ST6GAL1: variants seen among roughly 807,000 people sequenced by gnomAD.
The protein encoded by ST6GAL1 is ST6 beta-galactoside alpha-2,6-sialyltransferase 1, also known as beta-galactoside alpha-2,6-sialyltransferase 1.
A neutral mutation model predicts 38.0 loss-of-function variants in ST6GAL1; 20 were observed. The ratio of observed to expected loss-of-function variants is 0.53; its 90% CI spans 0.37 to 0.77. The LOEUF is 0.77. Among genes scored for constraint, ST6GAL1 ranks in the 30% least tolerant of loss-of-function variants. The pLI is 0.00. For missense variants in ST6GAL1, 432 were observed against 496.4 expected, an observed-to-expected ratio of 0.87 and a Z score of 1.23; for synonymous variants, 196 against 188.2, an observed-to-expected ratio of 1.04 and a Z score of -0.34.
intron 2 of ST6GAL1, among the ~76,000 whole-genome samples, chr3:187,031,791 A>G (rs190483578): frequency 7.6e-4 from 116 of 152,272 alleles, no homozygotes; most frequent in African/African-American, 2.3e-3. Flanking sequence ...ACTTGTTATT[A>G]TTACTATTTC....
At chr3:186,956,821 A>G (rs1714765149) in intron 1 of ST6GAL1, among the ~76,000 whole-genome samples, 5 of 152,242 alleles carry the variant, frequency 3.3e-5, no homozygotes, top group Admixed American at 3.3e-4. Context: ...CAATTTAAAA[A>G]GACAGCTAAC....
chr3:186,931,655 GA>G (rs1713758634), intron 1 of ST6GAL1, among the ~76,000 whole-genome samples: 2 of 152,214 alleles, frequency 1.3e-5, no homozygotes, highest in African/African-American at 4.8e-5. Context: ...CCTCTGTGGG[GA>G]TATTTTGGTC....
At chr3:187,028,753 T>C (rs1237948626) in intron 2 of ST6GAL1, among the ~76,000 whole-genome samples, 1 of 152,212 alleles carries the variant, frequency 6.6e-6, no homozygotes, top group Non-Finnish European at 1.5e-5. Flanking sequence ...TCCCATTTAC[T>C]TGTTGATGAA....
At position 187,042,979 on chromosome 3, in the gene ST6GAL1, C is replaced by T. The variant is rs138318065; in HGVS notation, c.276C>T (p.Ser92=). The change falls in exon 4 of 8, where the codon TCC becomes TCT. Residue 92 remains serine (S), a synonymous_variant. Transcript: ENST00000169298. ...TAGCCAAGGCCAAACCAGAGGCCTCCTTCCAGGTGTGGAACAAGGACAGCT... is the reference window on the plus strand; with the variant it reads ...TAGCCAAGGCCAAACCAGAGGCCTCTTTCCAGGTGTGGAACAAGGACAGCT... ...RGLAKAKPEA[S]FQVWNKDSSS... The T allele has an allele frequency of 3.7e-6, 6 of 1,614,044 alleles. No individual in the cohort carries two copies. In the African/African-American group the frequency reaches 5.3e-5, roughly 14 times the overall value.
rs765583904 is a variant in ST6GAL1 at position 187,042,667 on chromosome 3, C to T, written c.-37C>T. Reference sequence around the variant, plus strand: ...CACTTTTTTTAGGCTTGTTTTCCTGCTCAGAACAAAGTGACTTCCCTGAAC... The same window carrying T: ...CACTTTTTTTAGGCTTGTTTTCCTGTTCAGAACAAAGTGACTTCCCTGAAC... On this transcript the variant is annotated 5_prime_UTR_variant, in exon 4 of 8. Coordinates refer to ENST00000169298, the MANE Select transcript of ST6GAL1 (RefSeq NM_173216.2). 1 of 1,551,370 alleles carries T rather than the reference C, an allele frequency of 6.4e-7. No homozygotes were observed. The highest frequency in any genetic ancestry group is 2.1e-5 in the Admixed American group (1 of 47,416).
At chr3:187,063,160 G>A (rs1718980795) in intron 5 of ST6GAL1, among the ~76,000 whole-genome samples, 1 of 152,168 alleles carries the variant, frequency 6.6e-6, no homozygotes. Flanking sequence ...TTGATAGAGG[G>A]AGAAAGTGAA....
chr3:186,972,855 G>A lies in ST6GAL1; in HGVS notation c.-183+8929G>A, dbSNP rs552699727. ...GGAAGAAGAGGAGGATTTGCCATGA[G>A]CTTTCTCTGGGACAGGAGCAGTTTG... is the stretch of plus-strand genomic sequence containing the variant. On this transcript the variant is annotated intron_variant, in intron 2 of 7. Coordinates refer to ENST00000169298, the MANE Select transcript of ST6GAL1 (RefSeq NM_173216.2). 9.9e-4 allele frequency among the ~76,000 whole-genome samples: 150 copies of A among 152,160 alleles called. 2 individuals carry two copies. The highest frequency in any genetic ancestry group is 9.7e-3 in the Admixed American group (149 of 15,290).
Position 187,075,972 on chromosome 3 carries a change from C to T in ST6GAL1, c.*169C>T. 2.0e-6 allele frequency: 2 copies of T among 1,000,326 alleles called. No homozygotes were observed. Among genetic ancestry groups the T allele is most frequent in the South Asian group, 1.7e-5 (1 of 57,882 alleles). 62.0% of individuals were successfully genotyped at this position (1,000,326 alleles called of 1,614,324 possible). On this transcript the variant is annotated 3_prime_UTR_variant, in exon 8 of 8. Coordinates refer to ENST00000169298, the MANE Select transcript of ST6GAL1 (RefSeq NM_173216.2). The surrounding 1 kb of genome is among the most constrained non-coding windows in gnomAD (Gnocchi z 4.1). The stretch of plus-strand genomic sequence containing the variant: ...AGAGCCTGTGGTCAGGAAATCAGGT[C>T]CAGCCTTCCCTGTAGCCAGACAGTT...
At chr3:186,966,081 G>T (rs951962089) in intron 2 of ST6GAL1, among the ~76,000 whole-genome samples, 62 of 152,224 alleles carry the variant, frequency 4.1e-4, no homozygotes, top group African/African-American at 1.4e-3. Context: ...TGTATTTTTA[G>T]TAGAGACGGG....
At position 187,064,400 on chromosome 3, in the gene ST6GAL1, C is replaced by G. The variant is rs1213593465; in HGVS notation, c.706-8449C>G. The G allele has an allele frequency of 7.3e-6, 3 of 410,256 alleles. No homozygotes were observed. In the East Asian group the frequency reaches 2.1e-4, roughly 29 times the overall value. The allele number at this position is 410,256 out of a possible 1,614,324, so 25.4% of individuals were successfully genotyped here. Reference sequence around the variant, plus strand: ...AGTAGGCACATGTATTAGTTGCCTACAATTCACAAAGGGTTGCGAAATAGC... The same window carrying G: ...AGTAGGCACATGTATTAGTTGCCTAGAATTCACAAAGGGTTGCGAAATAGC... On this transcript the variant is annotated intron_variant, in intron 5 of 7. Coordinates refer to ENST00000169298, the MANE Select transcript of ST6GAL1 (RefSeq NM_173216.2).
chr3:187,012,769 T>C (rs1579321052), intron 2 of ST6GAL1, among the ~76,000 whole-genome samples: 1 of 152,206 alleles, frequency 6.6e-6, no homozygotes, highest in African/African-American at 2.4e-5. Context: ...AGTGATTTCC[T>C]GTTTTCTTCC....
chr3:186,975,257 T>C (rs775969581), intron 2 of ST6GAL1, among the ~76,000 whole-genome samples: 4 of 152,126 alleles, frequency 2.6e-5, no homozygotes, highest in Non-Finnish European at 4.4e-5. Context: ...CTGAGAGGCA[T>C]TTGCACTTAA....
At position 187,072,847 on chromosome 3, in the gene ST6GAL1, A is replaced by G. The variant is rs1385563635; in HGVS notation, c.706-2A>G. ...CGACAGCTTATCTCTTTCTTCCTGC[A>G]GTTGGTTACCACAGAGAAGCGCTTC... On this transcript the variant is annotated splice_acceptor_variant, in intron 5 of 7. Transcript: ENST00000169298. LOFTEE classifies it high-confidence loss of function. 6.2e-7 allele frequency: 1 copy of G among 1,613,216 alleles called. No individual in the cohort carries two copies.
rs1380282029 is a variant in ST6GAL1 at position 186,993,597 on chromosome 3, TTTATTTA to T, written c.-183+29673_-183+29679del. On this transcript the variant is annotated intron_variant, in intron 2 of 7. Coordinates refer to ENST00000169298, the MANE Select transcript of ST6GAL1 (RefSeq NM_173216.2). ...ATTTATTTATTTATTTATTTATTTA[TTTATTTA>T]TATGTTTTAGAAAACTAAGAGGCCT... Among the ~76,000 whole-genome samples the T allele has an allele frequency of 3.4e-3, 324 of 94,042 alleles. 3 individuals carry two copies. The highest frequency in any genetic ancestry group is 5.6e-3 in the African/African-American group (177 of 31,542). 61.7% of individuals were successfully genotyped at this position (94,042 alleles called of 152,430 possible). A position where few individuals can be genotyped will look rare whatever the true frequency, so the allele number is the denominator to read the frequency against.
At chr3:186,958,674 G>A (rs140340614) in intron 1 of ST6GAL1, among the ~76,000 whole-genome samples, 303 of 152,204 alleles carry the variant, frequency 2.0e-3, no homozygotes, top group Non-Finnish European at 3.5e-3. Flanking sequence ...TCAATGTGCC[G>A]GGTGCTGTGG....
intron 1 of ST6GAL1, among the ~76,000 whole-genome samples, chr3:186,954,596 T>A (rs1194932067): frequency 6.6e-6 from 1 of 152,252 alleles, no homozygotes; most frequent in Non-Finnish European, 1.5e-5. Context: ...TTGAGCATTT[T>A]TTCATATGTT....
chr3:187,011,704 T>C (rs1716961743), intron 2 of ST6GAL1, among the ~76,000 whole-genome samples: 1 of 152,234 alleles, frequency 6.6e-6, no homozygotes, highest in Admixed American at 6.5e-5. Context: ...CAGGCTCCTG[T>C]AACCATTTAT....
intron 2 of ST6GAL1, among the ~76,000 whole-genome samples, chr3:186,974,048 T>G (rs951099512): frequency 6.6e-6 from 1 of 152,182 alleles, no homozygotes; most frequent in Non-Finnish European, 1.5e-5. Flanking sequence ...GTTGCGTGAA[T>G]GAACCACAGC....
Position 186,952,276 on chromosome 3 carries a change from A to T in ST6GAL1, c.-324-11509A>T, listed in dbSNP as rs1714603756. ...GTCTTTTGTACCCATCACACCACCAAAACCATACCGGTCAGGCTCACCAGT... is the reference window on the plus strand; with the variant it reads ...GTCTTTTGTACCCATCACACCACCATAACCATACCGGTCAGGCTCACCAGT... On this transcript the variant is annotated intron_variant, in intron 1 of 7. Transcript: ENST00000169298. This position sits in a 1 kb window ranked among gnomAD's most constrained non-coding sequence, Gnocchi z 4.1. 6.6e-6 allele frequency among the ~76,000 whole-genome samples: 1 copy of T among 152,032 alleles called. No individual in the cohort carries two copies. The highest frequency in any genetic ancestry group is 2.4e-5 in the African/African-American group (1 of 41,380).
Sources: allele counts gnomAD v4.1 joint callset (sites outside exome capture counted in the v4.1 genomes callset), GRCh38; gene constraint gnomAD v4.1.1; non-coding constraint Gnocchi (gnomAD v3.1); transcripts MANE v1.5; gene names NCBI Gene and HGNC (gene_info 2026-07-23, HGNC 2026-07-21).